PRKN: variants seen among roughly 807,000 people sequenced by gnomAD.
PRKN encodes parkin RBR E3 ubiquitin protein ligase.
PRKN carries 56 observed loss-of-function variants against 59.5 expected under a neutral mutation model. The observed-to-expected ratio is 0.94, with a 90% CI of 0.76 to 1.18. PRKN has a LOEUF of 1.18. Among genes scored for constraint, PRKN ranks in the 50% most tolerant of loss-of-function variants. PRKN has a pLI of 0.00. For missense variants in PRKN, 657 were observed against 596.4 expected (o/e 1.10, Z -1.06); for synonymous variants, 250 against 222.1 (o/e 1.13, Z -1.12).
At chr6:161,689,398 T>C (rs111304043) in intron 7 of PRKN, among the ~76,000 whole-genome samples, 159 of 152,350 alleles carry the variant, frequency 1.0e-3, no homozygotes, top group African/African-American at 3.7e-3. Context: ...TTGCCTTAGC[T>C]TAGCCATTTT....
chr6:161,902,576 T>TTTTTTTTTTTTTTTTTTTTTTTTC (rs1777973713), intron 6 of PRKN, among the ~76,000 whole-genome samples: 1 of 89,702 alleles, frequency 1.1e-5, no homozygotes. Context: ...TTTTTTTTTT[T>TTTTTTTTTTTTTTTTTTTTTTTTC]TGCGACAGAG....
chr6:161,540,937 G>GA (rs1300654820), intron 9 of PRKN, among the ~76,000 whole-genome samples: 5 of 152,202 alleles, frequency 3.3e-5, no homozygotes, highest in Non-Finnish European at 7.3e-5. Flanking sequence ...TGGATTGCAT[G>GA]ACCCGTACTC....
At chr6:161,895,025 G>A (rs190526293) in intron 6 of PRKN, among the ~76,000 whole-genome samples, 87 of 152,226 alleles carry the variant, frequency 5.7e-4, no homozygotes, top group African/African-American at 2.0e-3. Context: ...TTTATAGACC[G>A]CTTATTTGTT....
At chr6:162,063,961 G>A (rs530923348) in intron 4 of PRKN, among the ~76,000 whole-genome samples, 1 of 152,074 alleles carries the variant, frequency 6.6e-6, no homozygotes, top group Non-Finnish European at 1.5e-5. Context: ...ACATAGACTC[G>A]TACAAGCATC....
At chr6:162,376,767 A>C (rs1208856773) in intron 2 of PRKN, among the ~76,000 whole-genome samples, 1 of 93,872 alleles carries the variant, frequency 1.1e-5, no homozygotes, top group Admixed American at 1.1e-4. Flanking sequence ...GTGAGAGGGA[A>C]AGGGAGGGGG....
intron 3 of PRKN, among the ~76,000 whole-genome samples, chr6:162,216,253 G>A (rs1562587619): frequency 1.3e-5 from 2 of 151,702 alleles, no homozygotes; most frequent in East Asian, 2.0e-4. Flanking sequence ...GTTTGCGGCC[G>A]GGCGCGGTGG....
intron 6 of PRKN, among the ~76,000 whole-genome samples, chr6:161,908,857 G>C (rs1242729404): frequency 6.6e-6 from 1 of 152,178 alleles, no homozygotes; most frequent in Non-Finnish European, 1.5e-5. Flanking sequence ...GTAACTCACT[G>C]TAATAAACTC....
At chr6:162,008,067 G>C (rs1005075515) in intron 5 of PRKN, among the ~76,000 whole-genome samples, 2 of 152,142 alleles carry the variant, frequency 1.3e-5, no homozygotes, top group South Asian at 2.1e-4. Flanking sequence ...AAAGGGATAA[G>C]AGGCATAACT....
chr6:162,608,992 G>A (rs1782032978), intron 1 of PRKN, among the ~76,000 whole-genome samples: 1 of 152,178 alleles, frequency 6.6e-6, no homozygotes. Context: ...CTCTGCCAGT[G>A]AGGCTCTCTT....
At chr6:162,504,935 G>A (rs1421422614) in intron 1 of PRKN, among the ~76,000 whole-genome samples, 2 of 152,176 alleles carry the variant, frequency 1.3e-5, no homozygotes, top group African/African-American at 4.8e-5. Context: ...TGGCCGTAAG[G>A]AAGATGCTCC....
chr6:162,702,855 A>AATG (rs1388882773), intron 1 of PRKN, among the ~76,000 whole-genome samples: 1 of 152,218 alleles, frequency 6.6e-6, no homozygotes, highest in Non-Finnish European at 1.5e-5. Flanking sequence ...GAGCTCTCCT[A>AATG]ATGAATCAGT....
At chr6:161,507,653 C>G (rs1260457346) in intron 9 of PRKN, among the ~76,000 whole-genome samples, 1 of 152,148 alleles carries the variant, frequency 6.6e-6, no homozygotes, top group Non-Finnish European at 1.5e-5. Context: ...ACCCTCCATT[C>G]TCTGCCTCCT....
At chr6:161,943,696 C>A (rs1779651404) in intron 6 of PRKN, among the ~76,000 whole-genome samples, 1 of 151,470 alleles carries the variant, frequency 6.6e-6, no homozygotes, top group African/African-American at 2.4e-5. Flanking sequence ...AGGAAATACC[C>A]TGAGGGATCA....
intron 1 of PRKN, among the ~76,000 whole-genome samples, chr6:162,663,120 C>T (rs892771343): frequency 1.3e-5 from 2 of 152,164 alleles, no homozygotes; most frequent in African/African-American, 4.8e-5. Flanking sequence ...ACCCACCAGC[C>T]GATGGTCCTA....
In PRKN at chr6:161,488,221, T is replaced by C. The variant is rs9355349; in HGVS notation, c.1083+60633A>G. Reference sequence around the variant, plus strand: ...AAGGTCCTCCAGGAAGGGAGAGTCATGGCCCTAGGAAGAGGACAAGTCTGC... The same window carrying C: ...AAGGTCCTCCAGGAAGGGAGAGTCACGGCCCTAGGAAGAGGACAAGTCTGC... On this transcript the variant is annotated intron_variant, in intron 9 of 11. Coordinates refer to ENST00000366898, the MANE Select transcript of PRKN (RefSeq NM_004562.3). The surrounding 1 kb of genome is among the most constrained non-coding windows in gnomAD (Gnocchi z 4.5). Among the ~76,000 whole-genome samples the C allele has an allele frequency of 0.45, 67,779 of 151,922 alleles. 16,762 individuals are homozygous for C. Among genetic ancestry groups the C allele is most frequent in the Middle Eastern group, 0.59 (173 of 294 alleles).
chr6:162,301,470 G>A (rs1273166435), intron 2 of PRKN, among the ~76,000 whole-genome samples: 1 of 152,096 alleles, frequency 6.6e-6, no homozygotes, highest in Non-Finnish European at 1.5e-5. Flanking sequence ...GGGCGGCCTA[G>A]ACAACAGACA....
intron 1 of PRKN, among the ~76,000 whole-genome samples, chr6:162,551,726 T>C (rs1050974713): frequency 2.0e-5 from 3 of 152,222 alleles, no homozygotes; most frequent in Non-Finnish European, 4.4e-5. Flanking sequence ...CGTTGTAACA[T>C]GTATTTGTGA....
intron 1 of PRKN, among the ~76,000 whole-genome samples, chr6:162,496,473 T>C (rs1019237762): frequency 6.6e-6 from 1 of 152,136 alleles, no homozygotes; most frequent in African/African-American, 2.4e-5. Flanking sequence ...ACTTCTTACA[T>C]GGAAAAAAAG....
At chr6:162,036,351 G>GA (rs1783848233) in intron 5 of PRKN, among the ~76,000 whole-genome samples, 1 of 151,522 alleles carries the variant, frequency 6.6e-6, no homozygotes, top group Non-Finnish European at 1.5e-5. Flanking sequence ...AATAAAGAAA[G>GA]AAAACAATAA....
Sources: gnomAD v4.1 joint callset for allele counts (sites outside exome capture counted in the v4.1 genomes callset) on GRCh38, gnomAD v4.1.1 for gene constraint, Gnocchi (gnomAD v3.1) non-coding constraint, MANE v1.5 for transcripts, NCBI Gene and HGNC (gene_info 2026-07-23, HGNC 2026-07-21) for gene names.